The following CRHR2 variants were observed in gnomAD, a reference collection of about 807,000 sequenced individuals.
CRHR2 encodes the protein corticotropin-releasing hormone receptor 2.
A neutral mutation model predicts 57.9 loss-of-function variants in CRHR2; 53 were observed. The observed-to-expected ratio is 0.92, with a 90% CI of 0.73 to 1.15. CRHR2 has a LOEUF of 1.15. Ranked by LOEUF, CRHR2 falls within the 50% of genes most tolerant of loss-of-function variation. The probability of loss-of-function intolerance (pLI) is 0.00; values close to 1 mark genes in which losing one functional copy is unlikely to be tolerated. For missense variants in CRHR2, 532 were observed against 542.6 expected (o/e 0.98, Z 0.19); for synonymous variants, 213 against 220.9 (o/e 0.96, Z 0.32).
At position 30,681,974 on chromosome 7, in the gene CRHR2, C is replaced by G. The variant is rs780390309; in HGVS notation, c.170G>C (p.Gly57Ala). 1.9e-6 allele frequency: 3 copies of G among 1,610,806 alleles called. No individual in the cohort carries two copies. Among genetic ancestry groups the G allele is most frequent in the Middle Eastern group, 3.3e-4 (2 of 6,052 alleles). ...GGGGCACGGCCTCTCCACGAGGGCT[C>G]CGGCAGCGCTGCGGGGCCAGCACGT... ...IGTCWPRSAAGALVERPCPEY... is the reference protein window; with the variant it reads ...IGTCWPRSAAAALVERPCPEY... Residue 57 changes from glycine to alanine, a missense_variant, in exon 2 of 12, where the codon GGA becomes GCA. Coordinates refer to ENST00000471646, the MANE Select transcript of CRHR2 (RefSeq NM_001883.5).
chr7:30,668,964 C>A (rs960016354), intron 2 of CRHR2, among the ~76,000 whole-genome samples: 7 of 152,230 alleles, frequency 4.6e-5, no homozygotes, highest in Admixed American at 3.3e-4. Context: ...TACCAACATT[C>A]GTGCTCATGA....
intron 8 of CRHR2, among the ~76,000 whole-genome samples, chr7:30,659,518 T>C (rs1783913213): frequency 6.6e-6 from 1 of 152,170 alleles, no homozygotes; most frequent in Admixed American, 6.5e-5. Flanking sequence ...TCACTGCAGC[T>C]GGGAGTCCAA....
At position 30,653,970 on chromosome 7, in the gene CRHR2, G is replaced by T. The variant is rs1449774201; in HGVS notation, c.1096-370C>A. ...CAGCCTTCTTGGGCCCCTGCTCCTT[G>T]CAGGGCGTTGGTGGTGTGCGCCCAG... On this transcript the variant is annotated intron_variant, in intron 11 of 11. Coordinates refer to ENST00000471646, the MANE Select transcript of CRHR2 (RefSeq NM_001883.5). The surrounding 1 kb of genome is among the most constrained non-coding windows in gnomAD (Gnocchi z 5.0). Among the ~76,000 whole-genome samples, 1 of 152,046 alleles carries T rather than the reference G, an allele frequency of 6.6e-6. No homozygotes were observed. Among genetic ancestry groups the T allele is most frequent in the East Asian group, 1.9e-4 (1 of 5,164 alleles).
rs942924148 is a variant in CRHR2 at position 30,665,550 on chromosome 7, G to A, written c.405C>T (p.Phe135=). The part of the protein sequence containing the change: ...CVSVAALVAA[F]LLFLALRSIR... The stretch of plus-strand genomic sequence containing the variant: ...CTCACCGCAGGGCCAGGAAAAGCAG[G>A]AAGGCGGCCACCAGGGCTGCCACAG... The change falls in exon 4 of 12, where the codon TTC becomes TTT. Residue 135 remains phenylalanine, a synonymous_variant. Transcript: ENST00000471646. This position sits in a 1 kb window ranked among gnomAD's most constrained non-coding sequence, Gnocchi z 4.5. 3.8e-6 allele frequency: 6 copies of A among 1,561,484 alleles called. No individual in the cohort carries two copies. In the African/African-American group the frequency reaches 8.2e-5, roughly 21 times the overall value.
At chr7:30,662,647 G>T in intron 6 of CRHR2, 47 bp downstream of exon 6, 1 of 1,592,860 alleles carries the variant, frequency 6.3e-7, no homozygotes, top group Non-Finnish European at 8.6e-7. Flanking sequence ...ATGGCCTGGT[G>T]AGAAGTCCTC....
chr7:30,681,808 C>T, intron 2 of CRHR2, 107 bp downstream of exon 2: 2 of 1,437,794 alleles, frequency 1.4e-6, no homozygotes, highest in Non-Finnish European at 1.8e-6. Context: ...CGCGGTACCG[C>T]GGCCGTCAGC....
intron 11 of CRHR2, chr7:30,654,820 T>C (rs1783715816): frequency 6.5e-7 from 1 of 1,540,210 alleles, no homozygotes; most frequent in Non-Finnish European, 8.7e-7. Context: ...TGAGTGCACA[T>C]GTGGGGTGCT....
intron 1 of CRHR2, among the ~76,000 whole-genome samples, chr7:30,696,752 A>T (rs928862043): frequency 3.9e-5 from 6 of 152,158 alleles, no homozygotes; most frequent in African/African-American, 9.6e-5. Flanking sequence ...AATTAAAATT[A>T]AAATTTAAAA....
upstream of CRHR2, chr7:30,686,547 A>G: frequency 2.0e-6 from 3 of 1,513,594 alleles, no homozygotes; most frequent in Non-Finnish European, 2.6e-6. Flanking sequence ...AGTGGCTCAC[A>G]CCCATAATCT....
chr7:30,665,310 AC>A lies in CRHR2; in HGVS notation c.426-124del. 1 of 901,840 alleles carries A rather than the reference AC, an allele frequency of 1.1e-6. No homozygotes were observed. The highest frequency in any genetic ancestry group is 1.8e-6 in the Non-Finnish European group (1 of 568,328). The allele number at this position is 901,840 out of a possible 1,614,324, so 55.9% of individuals were successfully genotyped here. ...AGGGCTGCACTAGGAGCCACTTCCC[AC>A]CCATGGTGGCCACAGTTGGGCCTCT... On this transcript the variant is annotated intron_variant, in intron 4 of 11. Transcript: ENST00000471646. This position sits in a 1 kb window ranked among gnomAD's most constrained non-coding sequence, Gnocchi z 4.5.
rs182807606 is a variant in CRHR2, at chr7:30,699,833, C to T, written c.-261+111G>A. The T allele has an allele frequency of 9.9e-4, 742 of 746,328 alleles. 4 individuals are homozygous for T. Among genetic ancestry groups the T allele is most frequent in the Admixed American group, 1.7e-3 (47 of 27,188 alleles). The allele number at this position is 746,328 out of a possible 1,614,324, so 46.2% of individuals were successfully genotyped here. On this transcript the variant is annotated intron_variant, in intron 1 of 13. Coordinates refer to the CRHR2 transcript ENST00000341843. ...CCAATTCATCATCAGACACAAGGAT[C>T]CCCGATCCAGCCCAGCCACCAGGCC...
intron 5 of CRHR2, among the ~76,000 whole-genome samples, chr7:30,664,380 C>T (rs918473612): frequency 2.0e-5 from 3 of 152,240 alleles, no homozygotes; most frequent in Non-Finnish European, 4.4e-5. Flanking sequence ...ATCATCACTG[C>T]ATGTGACCTT....
chr7:30,653,472 CG>C lies in CRHR2; in HGVS notation c.1223del (p.Thr408ArgfsTer63). On this transcript the variant is annotated frameshift_variant, in exon 12 of 12. Coordinates refer to ENST00000471646, the MANE Select transcript of CRHR2 (RefSeq NM_001883.5). LOFTEE classifies it high-confidence loss of function. This position sits in a 1 kb window ranked among gnomAD's most constrained non-coding sequence, Gnocchi z 5.0. ...GGCGACCGAGGGGTCACACAGCGGC[CG>C]TCTGCTTGATGCTGTGGAAGCTGAT... The part of the protein sequence containing the change: ...TRISFHSIKQ[T>X]AAV 6.2e-7 allele frequency: 1 copy of C among 1,613,374 alleles called. No individual in the cohort carries two copies. The highest frequency in any genetic ancestry group is 8.5e-7 in the Non-Finnish European group (1 of 1,179,848).
intron 2 of CRHR2, among the ~76,000 whole-genome samples, chr7:30,676,634 T>C (rs1027837542): frequency 6.6e-6 from 1 of 152,206 alleles, no homozygotes; most frequent in African/African-American, 2.4e-5. Flanking sequence ...GACTGTTGAT[T>C]TGCACAAGCC....
intron 2 of CRHR2, among the ~76,000 whole-genome samples, chr7:30,673,214 C>CTT (rs58334246): frequency 6.8e-6 from 1 of 146,614 alleles, no homozygotes; most frequent in African/African-American, 2.5e-5. Context: ...TTCTTACCTA[C>CTT]TTTTTTTTTT....
chr7:30,688,337 GGT>G lies in CRHR2; in HGVS notation c.-167+852_-167+853del, dbSNP rs200698506. Among the ~76,000 whole-genome samples the G allele has an allele frequency of 2.0e-3, 308 of 152,312 alleles. 4 individuals are homozygous for G. The East Asian group carries it at 0.038, about 19-fold the overall frequency. On this transcript the variant is annotated intron_variant, in intron 2 of 13. Transcript: ENST00000341843. ...GCTTCTGCTCAAGCCCCCAGTCTGT[GGT>G]GCTTTGTTCCAGTGGCCCCAGGACA...
intron 1 of CRHR2, among the ~76,000 whole-genome samples, chr7:30,691,883 A>C (rs1297442658): frequency 1.3e-5 from 2 of 152,154 alleles, no homozygotes; most frequent in Admixed American, 1.3e-4. Flanking sequence ...AGGAGGAAAG[A>C]GAGGCTGCTG....
chr7:30,658,034 T>G (rs1422461918), intron 8 of CRHR2, among the ~76,000 whole-genome samples: 4 of 152,316 alleles, frequency 2.6e-5, no homozygotes, highest in Admixed American at 1.3e-4. Context: ...TCCTTACACT[T>G]GGCAGACATT....
rs1314566919 is a variant in CRHR2 at position 30,653,513 on chromosome 7, T to G, written c.1183A>C (p.Thr395Pro). The change falls in exon 12 of 12, where the codon ACA becomes CCA. Residue 395 changes from threonine to proline, a missense_variant. Thr to Pro is a conservative substitution (Grantham distance 38). Transcript: ENST00000471646. The surrounding 1 kb of genome is among the most constrained non-coding windows in gnomAD (Gnocchi z 5.0). ...TGGAAGCTGATCCGTGTGGGTGATG[T>G]AGGGATGGACATGGCCCGGGCCATG... ...VPMARAMSIP[T>P]SPTRISFHSI... The G allele has an allele frequency of 1.9e-6, 3 of 1,613,244 alleles. No homozygotes were observed. The Admixed American group carries it at 5.0e-5, about 27-fold the overall frequency.
Sources: gnomAD v4.1 joint callset for allele counts (sites outside exome capture counted in the v4.1 genomes callset) on GRCh38, gnomAD v4.1.1 for gene constraint, Gnocchi (gnomAD v3.1) non-coding constraint, MANE v1.5 for transcripts, NCBI Gene and HGNC (gene_info 2026-07-23, HGNC 2026-07-21) for gene names.